Variants in TTC33 observed in about 807,000 individuals in gnomAD.
TTC33 encodes the protein tetratricopeptide repeat domain 33.
A neutral mutation model predicts 29.4 loss-of-function variants in TTC33; 24 were observed. That is an observed-to-expected ratio of 0.82 (90% confidence interval 0.59 to 1.15). The LOEUF is 1.15. Among genes scored for constraint, TTC33 ranks in the 50% most tolerant of loss-of-function variants. TTC33 has a pLI of 0.00. For synonymous variants in TTC33, 107 were observed against 100.3 expected (o/e 1.07, Z -0.40); for missense variants, 286 against 310.4 (o/e 0.92, Z 0.59).
intron 3 of TTC33, among the ~76,000 whole-genome samples, chr5:40,729,548 A>C (rs1331592946): frequency 6.6e-6 from 1 of 152,190 alleles, no homozygotes; most frequent in Non-Finnish European, 1.5e-5. Context: ...CTAAGGACTA[A>C]GCCATTTTTA....
intron 4 of TTC33, among the ~76,000 whole-genome samples, chr5:40,726,160 T>TAC (rs10558244): frequency 5.4e-5 from 8 of 148,170 alleles, no homozygotes; most frequent in South Asian, 2.1e-4. Flanking sequence ...TATATATATA[T>TAC]ACACACACAC....
intron 1 of TTC33, among the ~76,000 whole-genome samples, chr5:40,750,427 A>G (rs1742874481): frequency 6.6e-6 from 1 of 152,084 alleles, no homozygotes; most frequent in Admixed American, 6.5e-5. Context: ...GCGTGGTGGT[A>G]CACATCTGTA....
intron 1 of TTC33, among the ~76,000 whole-genome samples, chr5:40,748,147 T>C (rs1742833975): frequency 1.3e-5 from 2 of 151,728 alleles, no homozygotes; most frequent in Non-Finnish European, 2.9e-5. Context: ...ATTTATGAAA[T>C]AGGAGGAATG....
chr5:40,751,282 C>T (rs1742890292), intron 1 of TTC33, among the ~76,000 whole-genome samples: 1 of 152,230 alleles, frequency 6.6e-6, no homozygotes, highest in African/African-American at 2.4e-5. Context: ...TAATCTTGTA[C>T]ATCTCCATCA....
At chr5:40,747,153 G>C in intron 1 of TTC33, 134 bp from the exon 2 acceptor site, 1 of 718,284 alleles carries the variant, frequency 1.4e-6, no homozygotes, top group Non-Finnish European at 2.3e-6. Flanking sequence ...CCGCCTCCCG[G>C]GTTAAGTGAT....
At chr5:40,749,573 C>T (rs1298791475) in intron 1 of TTC33, among the ~76,000 whole-genome samples, 1 of 152,094 alleles carries the variant, frequency 6.6e-6, no homozygotes, top group Non-Finnish European at 1.5e-5. Context: ...TGCATAAGTT[C>T]GAGCAGGTTT....
At chr5:40,722,639 C>A (rs1443153889) in intron 4 of TTC33, among the ~76,000 whole-genome samples, 1 of 151,972 alleles carries the variant, frequency 6.6e-6, no homozygotes, top group African/African-American at 2.4e-5. Flanking sequence ...GCAGCTGCCC[C>A]GTCTGGGAAG....
At chr5:40,752,251 A>T (rs1315476584) in intron 1 of TTC33, among the ~76,000 whole-genome samples, 1 of 152,210 alleles carries the variant, frequency 6.6e-6, no homozygotes, top group Non-Finnish European at 1.5e-5. Context: ...TAGACCATTC[A>T]AAGCTTCTCC....
chr5:40,730,384 T>C, intron 2 of TTC33, 41 bp from the exon 3 acceptor site: 2 of 1,548,828 alleles, frequency 1.3e-6, no homozygotes, highest in South Asian at 1.2e-5. Flanking sequence ...ATTTTCAATA[T>C]GCTTTTTTGG....
intron 2 of TTC33, among the ~76,000 whole-genome samples, chr5:40,737,794 G>A (rs147734872): frequency 6.6e-6 from 1 of 152,214 alleles, no homozygotes; most frequent in African/African-American, 2.4e-5. Flanking sequence ...TGTCACTATG[G>A]ATTAATTTGT....
chr5:40,722,767 C>T (rs556809259), intron 4 of TTC33, among the ~76,000 whole-genome samples: 6 of 151,100 alleles, frequency 4.0e-5, no homozygotes, highest in Admixed American at 4.0e-4. Flanking sequence ...CGCCCCGTCC[C>T]GGAGGTGGCG....
In TTC33 at chr5:40,722,656, G is replaced by A. The variant is rs566412469; in HGVS notation, c.435+5689C>T. 4.4e-3 allele frequency among the ~76,000 whole-genome samples: 668 copies of A among 151,394 alleles called. 4 individuals are homozygous for A. Among genetic ancestry groups the A allele is most frequent in the African/African-American group, 0.015 (629 of 41,290 alleles). On this transcript the variant is annotated intron_variant, in intron 4 of 4. Transcript: ENST00000337702. Reference sequence around the variant, plus strand: ...AGCTGCCCCGTCTGGGAAGTGAGGCGTGTCTCCGCCCCACAGCCGCCCAGT... The same window carrying A: ...AGCTGCCCCGTCTGGGAAGTGAGGCATGTCTCCGCCCCACAGCCGCCCAGT...
intron 2 of TTC33, among the ~76,000 whole-genome samples, chr5:40,736,549 T>C (rs1019759365): frequency 6.6e-6 from 1 of 152,198 alleles, no homozygotes; most frequent in Non-Finnish European, 1.5e-5. Context: ...TGAGAAGGTA[T>C]AACCTAGTTT....
rs550210353 is a variant in TTC33 at position 40,728,618 on chromosome 5, T to C, written c.304-142A>G. 21 of 689,654 alleles carry C rather than the reference T, an allele frequency of 3.0e-5. No homozygotes were observed. In the South Asian group the frequency reaches 4.1e-4, roughly 13 times the overall value. 42.7% of individuals were successfully genotyped at this position (689,654 alleles called of 1,614,324 possible). A position where few individuals can be genotyped will look rare whatever the true frequency, so the allele number is the denominator to read the frequency against. On this transcript the variant is annotated intron_variant, in intron 3 of 4. Coordinates refer to ENST00000337702, the MANE Select transcript of TTC33 (RefSeq NM_012382.3). ...GTGATTTTTACCCCTTACTCTGCCA[T>C]TCAGGGTAAGAAATTATAGTTCTCT...
intron 2 of TTC33, among the ~76,000 whole-genome samples, chr5:40,738,097 C>A (rs1246304492): frequency 6.6e-6 from 1 of 152,014 alleles, no homozygotes; most frequent in Non-Finnish European, 1.5e-5. Flanking sequence ...TGAGATTGTA[C>A]AATAAAGTAT....
chr5:40,751,002 T>C (rs1356443764), intron 1 of TTC33, among the ~76,000 whole-genome samples: 2 of 152,206 alleles, frequency 1.3e-5, no homozygotes, highest in Non-Finnish European at 2.9e-5. Context: ...CCATGAAGGT[T>C]GTAATCAACT....
At chr5:40,725,767 A>C (rs2111885091) in intron 4 of TTC33, among the ~76,000 whole-genome samples, 1 of 147,762 alleles carries the variant, frequency 6.8e-6, no homozygotes, top group Non-Finnish European at 1.5e-5. Flanking sequence ...TTTAACTCCC[A>C]GAACCATTCT....
intron 2 of TTC33, among the ~76,000 whole-genome samples, chr5:40,736,233 A>C (rs1384740964): frequency 6.6e-6 from 1 of 152,174 alleles, no homozygotes; most frequent in Non-Finnish European, 1.5e-5. Context: ...GTCATTCTAC[A>C]CTGACTGTAT....
At chr5:40,750,574 A>C (rs781187282) in intron 1 of TTC33, among the ~76,000 whole-genome samples, 2 of 152,074 alleles carry the variant, frequency 1.3e-5, no homozygotes, top group Non-Finnish European at 2.9e-5. Flanking sequence ...TCCAAAAAAA[A>C]AACAACAACA....
Sources: gnomAD v4.1 joint callset for allele counts (sites outside exome capture counted in the v4.1 genomes callset) on GRCh38, gnomAD v4.1.1 for gene constraint, MANE v1.5 for transcripts, NCBI Gene and HGNC (gene_info 2026-07-23, HGNC 2026-07-21) for gene names.